Variants in ANKRD13C observed in about 807,000 individuals in gnomAD.
The protein encoded by ANKRD13C is ankyrin repeat domain 13C.
A neutral mutation model predicts 65.5 loss-of-function variants in ANKRD13C; 16 were observed. The observed-to-expected ratio is 0.24, with a 90% confidence interval of 0.17 to 0.37. The LOEUF (loss-of-function observed/expected upper bound fraction) is 0.37. ANKRD13C is among the 10% of genes least tolerant of loss of function. The pLI, the probability that ANKRD13C is intolerant of heterozygous loss-of-function variation, is 1.00. For synonymous variants in ANKRD13C, 235 were observed against 238.7 expected, an observed-to-expected ratio of 0.98 and a Z score of 0.14; for missense variants, 503 against 655.9, an observed-to-expected ratio of 0.77 and a Z score of 2.55.
At chr1:70,310,336 A>G (rs142699615) in intron 5 of ANKRD13C, among the ~76,000 whole-genome samples, 49 of 152,330 alleles carry the variant, frequency 3.2e-4, no homozygotes, top group African/African-American at 8.7e-4. Context: ...TTAAAGTTTG[A>G]TCATAAAATC....
intron 9 of ANKRD13C, among the ~76,000 whole-genome samples, chr1:70,283,146 T>C (rs1309122880): frequency 3.3e-5 from 5 of 152,192 alleles, no homozygotes; most frequent in Non-Finnish European, 7.3e-5. Flanking sequence ...ATTAGTCCTT[T>C]ATTTTTTTCA....
Position 70,276,851 on chromosome 1 carries a change from A to G in ANKRD13C, c.1216-7T>C. 1 of 1,365,654 alleles carries G rather than the reference A, an allele frequency of 7.3e-7. No individual in the cohort carries two copies. Among genetic ancestry groups the G allele is most frequent in the Admixed American group, 2.2e-5 (1 of 44,610 alleles). The allele number at this position is 1,365,654 out of a possible 1,614,324, so 84.6% of individuals were successfully genotyped here. A position where few individuals can be genotyped will look rare whatever the true frequency, so the allele number is the denominator to read the frequency against. On this transcript the variant is annotated splice_region_variant and splice_polypyrimidine_tract_variant and intron_variant, in intron 9 of 12. Coordinates refer to ENST00000370944, the MANE Select transcript of ANKRD13C (RefSeq NM_030816.5). ...GAGACTGTCTTCGAATCGGCTGCCAAAAAAAAAAAAGAAAGAAAGTGGGGT... is the reference window on the plus strand; with the variant it reads ...GAGACTGTCTTCGAATCGGCTGCCAGAAAAAAAAAAGAAAGAAAGTGGGGT...
At chr1:70,339,386 C>T (rs376228402) in intron 1 of ANKRD13C, among the ~76,000 whole-genome samples, 24 of 146,996 alleles carry the variant, frequency 1.6e-4, no homozygotes, top group African/African-American at 6.0e-4. Flanking sequence ...GGCACGATCT[C>T]GGCTCACTGT....
At chr1:70,280,856 TC>T (rs1679356131) in intron 9 of ANKRD13C, among the ~76,000 whole-genome samples, 1 of 152,130 alleles carries the variant, frequency 6.6e-6, no homozygotes, top group African/African-American at 2.4e-5. Context: ...TAGGAAGCTA[TC>T]TCAGTAATCC....
chr1:70,270,696 C>A (rs926363249), intron 12 of ANKRD13C, among the ~76,000 whole-genome samples, 160 bp downstream of exon 12: 1 of 152,210 alleles, frequency 6.6e-6, no homozygotes, highest in Non-Finnish European at 1.5e-5. Flanking sequence ...CACTAGCCTG[C>A]CGCTCAGCTC....
At chr1:70,309,727 AAAAAAAAT>A (rs1202758436) in intron 5 of ANKRD13C, among the ~76,000 whole-genome samples, 2 of 142,038 alleles carry the variant, frequency 1.4e-5, no homozygotes, top group East Asian at 4.3e-4. Context: ...AAAAAAAAAA[AAAAAAAAT>A]AATAATAATA....
intron 8 of ANKRD13C, among the ~76,000 whole-genome samples, chr1:70,294,631 C>A (rs74653106): frequency 0.014 from 2,130 of 151,306 alleles, 50 homozygotes; most frequent in African/African-American, 0.049. Context: ...TTCTTTTTCT[C>A]TCTCTTTTTT....
At chr1:70,296,326 T>A in intron 7 of ANKRD13C, 65 bp from the exon 8 acceptor site, 1 of 1,482,016 alleles carries the variant, frequency 6.7e-7, no homozygotes, top group Non-Finnish European at 9.1e-7. Flanking sequence ...GTACTACATA[T>A]GAAAATATCA....
At chr1:70,294,716 T>C (rs1680006375) in intron 8 of ANKRD13C, among the ~76,000 whole-genome samples, 1 of 151,870 alleles carries the variant, frequency 6.6e-6, no homozygotes, top group South Asian at 2.1e-4. Flanking sequence ...GCCTCAACCT[T>C]CTGGGCTCAA....
intron 2 of ANKRD13C, among the ~76,000 whole-genome samples, chr1:70,331,161 T>G (rs893134626): frequency 1.3e-5 from 2 of 152,228 alleles, no homozygotes; most frequent in African/African-American, 4.8e-5. Flanking sequence ...AAACAGAACG[T>G]GCCCTTCAAC....
Position 70,301,340 on chromosome 1 carries a change from G to A in ANKRD13C, c.777-432C>T, listed in dbSNP as rs191273801. Among the ~76,000 whole-genome samples, 50 of 152,180 alleles carry A rather than the reference G, an allele frequency of 3.3e-4. No homozygotes were observed. In the South Asian group the frequency reaches 6.0e-3, roughly 18 times the overall value. On this transcript the variant is annotated intron_variant, in intron 6 of 12. Transcript: ENST00000370944. ...CTGTAGCTACTCAATAAAAGTGAAC[G>A]GGGAAGGAAGAAAAGGAACACAGAC...
At chr1:70,344,921 A>G (rs1354541789) in intron 1 of ANKRD13C, among the ~76,000 whole-genome samples, 2 of 152,042 alleles carry the variant, frequency 1.3e-5, no homozygotes, top group African/African-American at 2.4e-5. Flanking sequence ...AATTAACTAC[A>G]TTTTCCAAAA....
intron 9 of ANKRD13C, among the ~76,000 whole-genome samples, chr1:70,282,834 C>A (rs906754894): frequency 1.3e-5 from 2 of 152,116 alleles, no homozygotes; most frequent in Non-Finnish European, 2.9e-5. Context: ...TAATCCCATA[C>A]CCACTGAAAT....
chr1:70,293,380 C>T (rs2101269652), intron 8 of ANKRD13C: 1 of 163,762 alleles, frequency 6.1e-6, no homozygotes, highest in South Asian at 2.0e-4. Flanking sequence ...CTGCTGTTTA[C>T]TGACATTTCA....
chr1:70,286,706 C>T (rs1424929255), intron 9 of ANKRD13C, among the ~76,000 whole-genome samples: 2 of 152,154 alleles, frequency 1.3e-5, no homozygotes, highest in East Asian at 3.8e-4. Context: ...ACAGAATAGG[C>T]CAGGCACGGT....
chr1:70,308,366 T>C (rs558425570), intron 5 of ANKRD13C, among the ~76,000 whole-genome samples: 1 of 151,902 alleles, frequency 6.6e-6, no homozygotes, highest in East Asian at 1.9e-4. Flanking sequence ...CTAATACTTT[T>C]ATTAAAAATC....
chr1:70,309,171 C>G (rs1411390061), intron 5 of ANKRD13C, among the ~76,000 whole-genome samples: 1 of 151,564 alleles, frequency 6.6e-6, no homozygotes, highest in African/African-American at 2.4e-5. Context: ...CTCCCAGGTT[C>G]AAGTGATTCT....
In ANKRD13C at chr1:70,297,985, T is replaced by C. The variant is rs182584036; in HGVS notation, c.922-1724A>G. On this transcript the variant is annotated intron_variant, in intron 7 of 12. Transcript: ENST00000370944. ...TGGCTTGGGCCTGGGACAGTACCATTTCCTCTACCCCTACAAGTAAAGAAT... is the reference window on the plus strand; with the variant it reads ...TGGCTTGGGCCTGGGACAGTACCATCTCCTCTACCCCTACAAGTAAAGAAT... 3.2e-3 allele frequency among the ~76,000 whole-genome samples: 479 copies of C among 151,684 alleles called. 2 individuals carry two copies. Among genetic ancestry groups the C allele is most frequent in the Non-Finnish European group, 5.0e-3 (341 of 67,964 alleles).
chr1:70,313,527 CAAAA>C (rs375377368), intron 5 of ANKRD13C, among the ~76,000 whole-genome samples: 2 of 69,080 alleles, frequency 2.9e-5, no homozygotes, highest in Non-Finnish European at 3.1e-5. Context: ...GAACTTGTCT[CAAAA>C]AAAAAAAAAA....
Sources: allele counts gnomAD v4.1 joint callset (sites outside exome capture counted in the v4.1 genomes callset), GRCh38; gene constraint gnomAD v4.1.1; transcripts MANE v1.5; gene names NCBI Gene and HGNC (gene_info 2026-07-23, HGNC 2026-07-21).